DDX52: variants seen among roughly 807,000 people sequenced by gnomAD.
The protein encoded by DDX52 is DExD-box helicase 52.
DDX52 carries 59 observed loss-of-function variants against 76.1 expected under a neutral mutation model. The ratio of observed to expected loss-of-function variants is 0.78; its 90% CI spans 0.63 to 0.96. DDX52 has a LOEUF of 0.96. Ranked by LOEUF, DDX52 falls within the 40% of genes least tolerant of loss-of-function variation. The pLI is 0.00. For missense variants in DDX52, 707 were observed against 703.9 expected (o/e 1.00, Z -0.05); for synonymous variants, 231 against 244.1 (o/e 0.95, Z 0.50).
intron 2 of DDX52, among the ~76,000 whole-genome samples, chr17:37,639,911 C>G (rs2031108847): frequency 6.6e-6 from 1 of 151,618 alleles, no homozygotes; most frequent in South Asian, 2.1e-4. Context: ...AAGGTTTTAT[C>G]AAACTTCCTT....
At chr17:37,623,581 C>A (rs1181401525) in intron 9 of DDX52, among the ~76,000 whole-genome samples, 1 of 151,980 alleles carries the variant, frequency 6.6e-6, no homozygotes, top group African/African-American at 2.4e-5. Context: ...TTCACTTCCA[C>A]CTCTTAAGGG....
chr17:37,629,229 AC>A (rs2030554842), intron 5 of DDX52, among the ~76,000 whole-genome samples: 1 of 1,964 alleles, frequency 5.1e-4, no homozygotes, highest in East Asian at 0.062. Context: ...AAGAAAAAAT[AC>A]ACACACACAC....
intron 12 of DDX52, 75 bp downstream of exon 12, chr17:37,620,798 T>G (rs927179497): frequency 7.4e-7 from 1 of 1,356,226 alleles, no homozygotes; most frequent in African/African-American, 1.5e-5. Flanking sequence ...TTTGTAATTA[T>G]CTCTTAATTG....
chr17:37,638,238 T>C (rs1460006706), intron 2 of DDX52, among the ~76,000 whole-genome samples: 1 of 152,220 alleles, frequency 6.6e-6, no homozygotes, highest in South Asian at 2.1e-4. Flanking sequence ...ATCTGCTTAT[T>C]ATGAGAGTGT....
Position 37,625,878 on chromosome 17 carries a change from G to A in DDX52, c.1136+17C>T, listed in dbSNP as rs1180561507. The A allele has an allele frequency of 6.2e-7, 1 of 1,613,358 alleles. No homozygotes were observed. Among genetic ancestry groups the A allele is most frequent in the East Asian group, 2.2e-5 (1 of 44,888 alleles). Reference sequence around the variant, plus strand: ...AAAAAAAAATCAGTGTGATAATGTTGAGAAACAATTAAATACCTTGCTCCA... The same window carrying A: ...AAAAAAAAATCAGTGTGATAATGTTAAGAAACAATTAAATACCTTGCTCCA... On this transcript the variant is annotated intron_variant, in intron 8 of 14. Transcript: ENST00000617633.
intron 6 of DDX52, among the ~76,000 whole-genome samples, chr17:37,628,356 A>G (rs1344740206): frequency 1.3e-5 from 2 of 152,198 alleles, no homozygotes; most frequent in East Asian, 3.9e-4. Flanking sequence ...GGTGGGGGGC[A>G]AGATTGTCTC....
intron 13 of DDX52, among the ~76,000 whole-genome samples, chr17:37,619,551 C>A (rs1361548033): frequency 6.6e-6 from 1 of 151,814 alleles, no homozygotes; most frequent in Non-Finnish European, 1.5e-5. Flanking sequence ...CCCCAAAAAT[C>A]TAAAAAATAT....
Position 37,618,299 on chromosome 17 carries a change from C to T in DDX52, c.1735G>A (p.Asp579Asn), listed in dbSNP as rs1452721896. The change falls in exon 14 of 15, where the codon GAT becomes AAT. Residue 579 changes from aspartate to asparagine, a missense_variant. By Grantham distance (23) the Asp-to-Asn change is conservative. Coordinates refer to ENST00000617633, the MANE Select transcript of DDX52 (RefSeq NM_007010.5). Reference sequence around the variant, plus strand: ...TTCTTACCACATACTTACTGTTTATCCTTAGCTTTTTCTAAGAAACATTTT... The same window carrying T: ...TTCTTACCACATACTTACTGTTTATTCTTAGCTTTTTCTAAGAAACATTTT... The part of the protein sequence containing the change: ...TPKCFLEKAK[D>N]KQKKVTGQNS... The T allele has an allele frequency of 1.3e-6, 2 of 1,599,518 alleles. No individual in the cohort carries two copies. Among genetic ancestry groups the T allele is most frequent in the South Asian group, 1.1e-5 (1 of 87,056 alleles).
At chr17:37,642,931 C>G (rs115367099) in intron 1 of DDX52, 2,324 of 165,538 alleles carry the variant, frequency 0.014, 53 homozygotes, top group African/African-American at 0.052. Flanking sequence ...ACGCCCAGTA[C>G]AACTATACGC....
chr17:37,615,825 C>G (rs2064418365), intron 14 of DDX52, among the ~76,000 whole-genome samples: 1 of 152,048 alleles, frequency 6.6e-6, no homozygotes, highest in East Asian at 1.9e-4. Context: ...ACCACCCTGG[C>G]CAACATGGTG....
chr17:37,617,230 A>G, intron 14 of DDX52, among the ~76,000 whole-genome samples: 1 of 152,250 alleles, frequency 6.6e-6, no homozygotes. Context: ...CTTCTATAGA[A>G]CAGATGTGAG....
At chr17:37,630,413 A>G (rs1195324219) in intron 4 of DDX52, among the ~76,000 whole-genome samples, 1 of 152,120 alleles carries the variant, frequency 6.6e-6, no homozygotes, top group Non-Finnish European at 1.5e-5. Context: ...GGTAACTAAA[A>G]CCCAAAGATA....
chr17:37,626,828 A>C lies in DDX52; in HGVS notation c.892T>G (p.Tyr298Asp). 6.2e-7 allele frequency: 1 copy of C among 1,612,024 alleles called. No homozygotes were observed. The highest frequency in any genetic ancestry group is 8.5e-7 in the Non-Finnish European group (1 of 1,179,434). The change falls in exon 7 of 15, where the codon TAT (tyrosine) becomes GAT (aspartate). Residue 298 changes from tyrosine (Y) to aspartate (D), a missense_variant. Tyr to Asp is a radical substitution (Grantham distance 160). Transcript: ENST00000617633. ...CCGGGGGGATCTTGCTTTAATAAAT[A>C]GATTAGTCGATTTGGAGTAGTCACA... ...ILVTTPNRLI[Y>D]LLKQDPPGID... is the part of the protein sequence containing the mutation.
At position 37,633,364 on chromosome 17, in the gene DDX52, G is replaced by C; in HGVS notation, c.341C>G (p.Ala114Gly). 1.2e-6 allele frequency: 2 copies of C among 1,610,736 alleles called. No individual in the cohort carries two copies. The highest frequency in any genetic ancestry group is 1.7e-6 in the Non-Finnish European group (2 of 1,178,600). The change falls in exon 3 of 15, where the codon GCA (alanine) becomes GGA (glycine). Residue 114 changes from alanine (A) to glycine (G), a missense_variant. Physicochemically the swap from Ala to Gly is moderately conservative, Grantham distance 60. Coordinates refer to ENST00000617633, the MANE Select transcript of DDX52 (RefSeq NM_007010.5). ...CTGAACTTTTTTGTCTTCAATCTTTGCTTCTACAGATGACATCCACTGTAT... is the reference window on the plus strand; with the variant it reads ...CTGAACTTTTTTGTCTTCAATCTTTCCTTCTACAGATGACATCCACTGTAT... ...ATIQWMSSVEAKIEDKKVQRE... is the reference protein window; with the variant it reads ...ATIQWMSSVEGKIEDKKVQRE...
chr17:37,635,397 C>A (rs1422849600), intron 2 of DDX52, among the ~76,000 whole-genome samples: 1 of 152,208 alleles, frequency 6.6e-6, no homozygotes, highest in Non-Finnish European at 1.5e-5. Context: ...TAGGCAACCA[C>A]CAATCTAATT....
intron 9 of DDX52, 51 bp from the exon 10 acceptor site, chr17:37,621,571 G>T: frequency 1.3e-6 from 2 of 1,554,104 alleles, no homozygotes; most frequent in Non-Finnish European, 1.7e-6. Flanking sequence ...AATACAATTG[G>T]TCATTATTTC....
chr17:37,619,716 GAA>G (rs2029978824), intron 13 of DDX52, 50 bp downstream of exon 13: 1 of 1,333,214 alleles, frequency 7.5e-7, no homozygotes, highest in African/African-American at 1.5e-5. Context: ...AAAAAAAAAA[GAA>G]TGTATATACA....
chr17:37,639,389 T>C lies in DDX52; in HGVS notation c.286+2721A>G, dbSNP rs150969296. ...GTTCCCTTTATGAGACAGTTGGTAC[T>C]AAATGACCCAAATCATTACTAATTC... On this transcript the variant is annotated intron_variant, in intron 2 of 14. Transcript: ENST00000617633. 1,141 of 988,582 alleles carry C rather than the reference T, an allele frequency of 1.2e-3. 11 individuals carry two copies. In the African/African-American group the frequency reaches 0.019, roughly 16 times the overall value. 61.2% of individuals were successfully genotyped at this position (988,582 alleles called of 1,614,324 possible). A position where few individuals can be genotyped will look rare whatever the true frequency, so the allele number is the denominator to read the frequency against.
Position 37,621,511 on chromosome 17 carries a change from G to A in DDX52, c.1237C>T (p.Pro413Ser). 6.2e-7 allele frequency: 1 copy of A among 1,609,448 alleles called. No homozygotes were observed. The highest frequency in any genetic ancestry group is 2.2e-5 in the East Asian group (1 of 44,762). The part of the protein sequence containing the change: ...VRELVKKGFN[P>S]PVLVFVQSIE... ...GACTGAACAAAAACAAGAACAGGTG[G>A]ATTGAAACCCTAAAAGAAGACAAAA... Residue 413 changes from proline (P) to serine (S), a missense_variant, in exon 10 of 15, where the codon CCA becomes TCA. Transcript: ENST00000617633.
Sources: gnomAD v4.1 joint callset for allele counts (sites outside exome capture counted in the v4.1 genomes callset) on GRCh38, gnomAD v4.1.1 for gene constraint, MANE v1.5 for transcripts, NCBI Gene and HGNC (gene_info 2026-07-23, HGNC 2026-07-21) for gene names.